The following PACRG variants were observed in gnomAD, a reference collection of about 807,000 sequenced individuals.
PACRG encodes the protein parkin coregulated.
Under a neutral mutation model 29.7 loss-of-function variants are expected in PACRG, and 29 were observed. The observed-to-expected ratio is 0.98, with a 90% CI of 0.73 to 1.33. The LOEUF (loss-of-function observed/expected upper bound fraction) is 1.33. PACRG is among the 40% of genes most tolerant of loss of function. The pLI, the probability that PACRG is intolerant of heterozygous loss-of-function variation, is 0.00. For synonymous variants in PACRG, 116 were observed against 118.7 expected, an observed-to-expected ratio of 0.98 and a Z score of 0.15; for missense variants, 279 against 316.2, an observed-to-expected ratio of 0.88 and a Z score of 0.89.
chr6:162,928,993 A>G (rs1336313611), intron 2 of PACRG, among the ~76,000 whole-genome samples: 4 of 152,086 alleles, frequency 2.6e-5, no homozygotes, highest in African/African-American at 9.6e-5. Context: ...TATATATGCT[A>G]CATTTTCTTT....
intron 4 of PACRG, among the ~76,000 whole-genome samples, chr6:163,114,253 A>C (rs1250697365): frequency 2.2e-4 from 34 of 152,172 alleles, no homozygotes; most frequent in Admixed American, 2.2e-3. Flanking sequence ...TCTGTCTCAA[A>C]AACAACAACA....
intron 4 of PACRG, among the ~76,000 whole-genome samples, chr6:163,215,748 A>G (rs1224273562): frequency 2.0e-5 from 3 of 152,212 alleles, no homozygotes; most frequent in Non-Finnish European, 4.4e-5. Context: ...AAACCCCAAC[A>G]TTTAACTGGG....
chr6:163,177,533 C>A (rs1779425647), intron 4 of PACRG, among the ~76,000 whole-genome samples: 1 of 152,054 alleles, frequency 6.6e-6, no homozygotes, highest in South Asian at 2.1e-4. Context: ...TGAAGAAAGG[C>A]TCCAGGCTGT....
At chr6:162,905,658 A>G (rs1184674096) in intron 2 of PACRG, among the ~76,000 whole-genome samples, 1 of 152,196 alleles carries the variant, frequency 6.6e-6, no homozygotes, top group African/African-American at 2.4e-5. Context: ...AATGTAATAA[A>G]CATTTCCATC....
intron 2 of PACRG, among the ~76,000 whole-genome samples, chr6:162,858,561 G>T (rs995698612): frequency 2.0e-5 from 3 of 152,218 alleles, no homozygotes; most frequent in African/African-American, 7.2e-5. Context: ...AAAGGACAGA[G>T]TAACAAGAGA....
intron 4 of PACRG, among the ~76,000 whole-genome samples, chr6:163,173,912 C>T (rs777491157): frequency 6.6e-6 from 1 of 152,176 alleles, no homozygotes; most frequent in Non-Finnish European, 1.5e-5. Flanking sequence ...GAGGTAAATA[C>T]TAAAGGACGT....
intron 4 of PACRG, among the ~76,000 whole-genome samples, chr6:163,250,702 A>G (rs1324235479): frequency 2.6e-5 from 4 of 152,220 alleles, no homozygotes; most frequent in African/African-American, 9.6e-5. Context: ...TTAGAAAAAG[A>G]TACTTGCACA....
chr6:163,005,087 G>A (rs1346238005), intron 2 of PACRG, among the ~76,000 whole-genome samples: 1 of 151,942 alleles, frequency 6.6e-6, no homozygotes. Flanking sequence ...TGTATTAATT[G>A]TCATAAAGTT....
chr6:163,045,295 C>T (rs1173132685), intron 2 of PACRG, among the ~76,000 whole-genome samples: 1 of 152,130 alleles, frequency 6.6e-6, no homozygotes, highest in African/African-American at 2.4e-5. Flanking sequence ...AACAACCACA[C>T]CCACCTCACA....
At chr6:163,273,664 A>ACT (rs1434039839) in intron 4 of PACRG, among the ~76,000 whole-genome samples, 1 of 151,880 alleles carries the variant, frequency 6.6e-6, no homozygotes, top group East Asian at 1.9e-4. Flanking sequence ...ATTTTCTGTT[A>ACT]CTTTCCTCCC....
intron 4 of PACRG, among the ~76,000 whole-genome samples, chr6:163,102,038 C>T (rs998575671): frequency 6.6e-6 from 1 of 152,128 alleles, no homozygotes; most frequent in African/African-American, 2.4e-5. Flanking sequence ...TTACCAAATC[C>T]CTCAAAGACT....
intron 4 of PACRG, among the ~76,000 whole-genome samples, chr6:163,227,510 T>C (rs1321882775): frequency 1.3e-5 from 2 of 152,206 alleles, no homozygotes; most frequent in Non-Finnish European, 2.9e-5. Flanking sequence ...GATGCACCAA[T>C]ATATGTAACG....
In PACRG at chr6:162,767,775, C is replaced by T. The variant is rs550523972; in HGVS notation, c.156+39384C>T. Reference sequence around the variant, plus strand: ...TTTGTTACTTATTATATGGGGTTTCCCCCTCCTTTTTGAGGATTAATACAT... The same window carrying T: ...TTTGTTACTTATTATATGGGGTTTCTCCCTCCTTTTTGAGGATTAATACAT... On this transcript the variant is annotated intron_variant, in intron 1 of 4. Transcript: ENST00000366888. 2.3e-4 allele frequency among the ~76,000 whole-genome samples: 35 copies of T among 151,470 alleles called. 1 individual carries two copies. The South Asian group carries it at 6.7e-3, about 29-fold the overall frequency.
intron 2 of PACRG, among the ~76,000 whole-genome samples, chr6:162,937,606 TC>T (rs1027199934): frequency 6.6e-6 from 1 of 152,064 alleles, no homozygotes. Context: ...GACGTAGACC[TC>T]CCTCCCCAAA....
At chr6:163,023,809 C>A (rs1270863876) in intron 2 of PACRG, among the ~76,000 whole-genome samples, 4 of 152,118 alleles carry the variant, frequency 2.6e-5, no homozygotes, top group Non-Finnish European at 5.9e-5. Flanking sequence ...TTTTGATTTG[C>A]ATTTCTCTGA....
Position 162,728,191 on chromosome 6 carries a change from T to G in PACRG, c.-45T>G. 6.3e-7 allele frequency: 1 copy of G among 1,596,192 alleles called. No individual in the cohort carries two copies. On this transcript the variant is annotated 5_prime_UTR_variant, in exon 1 of 5. Coordinates refer to ENST00000366888, the MANE Select transcript of PACRG (RefSeq NM_001080379.2). ...TGCTCACATCCGTAAAGCCCACTGA[T>G]TCTTTTACTACACTTTTTATGAGAA...
intron 4 of PACRG, among the ~76,000 whole-genome samples, chr6:163,300,351 G>C (rs1784942509): frequency 6.6e-6 from 1 of 152,252 alleles, no homozygotes; most frequent in Non-Finnish European, 1.5e-5. Flanking sequence ...GCGCTGAAGA[G>C]TCTGGAAGAG....
At chr6:163,078,062 C>G (rs551171139) in intron 3 of PACRG, among the ~76,000 whole-genome samples, 8 of 152,304 alleles carry the variant, frequency 5.3e-5, no homozygotes, top group African/African-American at 1.7e-4. Context: ...AATAAACAAA[C>G]CAATTCTATC....
chr6:163,271,920 A>G (rs1480688135), intron 4 of PACRG, among the ~76,000 whole-genome samples: 1 of 151,966 alleles, frequency 6.6e-6, no homozygotes, highest in African/African-American at 2.4e-5. Flanking sequence ...GTGACTTTCC[A>G]CTTGCTCCTG....
Sources: allele counts gnomAD v4.1 joint callset (sites outside exome capture counted in the v4.1 genomes callset), GRCh38; gene constraint gnomAD v4.1.1; transcripts MANE v1.5; gene names NCBI Gene and HGNC (gene_info 2026-07-23, HGNC 2026-07-21).